COL4A3: variants seen among roughly 807,000 people sequenced by gnomAD.
COL4A3 encodes collagen alpha-3(IV) chain.
COL4A3 carries 135 observed loss-of-function variants against 217.4 expected under a neutral mutation model. That is an observed-to-expected ratio of 0.62 (90% CI 0.54 to 0.72). The LOEUF (loss-of-function observed/expected upper bound fraction) is 0.72. Among genes scored for constraint, COL4A3 ranks in the 30% least tolerant of loss-of-function variants. COL4A3 has a pLI of 0.00. For missense variants in COL4A3, 1,868 were observed against 2,119.9 expected (o/e 0.88, Z 2.33); for synonymous variants, 690 against 736.3 (o/e 0.94, Z 1.02).
At chr2:227,230,061 A>AG (rs1559847637) in intron 1 of COL4A3, among the ~76,000 whole-genome samples, 3 of 146,752 alleles carry the variant, frequency 2.0e-5, no homozygotes, top group Admixed American at 6.8e-5. Flanking sequence ...AAAAAAAAAA[A>AG]AAAAAGAAAT....
chr2:227,283,759 T>G lies in COL4A3; in HGVS notation c.2657-8T>G. 1.2e-6 allele frequency: 2 copies of G among 1,613,068 alleles called. No homozygotes were observed. Among genetic ancestry groups the G allele is most frequent in the Non-Finnish European group, 1.7e-6 (2 of 1,178,992 alleles). On this transcript the variant is annotated splice_polypyrimidine_tract_variant and splice_region_variant and intron_variant, in intron 32 of 51. Coordinates refer to ENST00000396578, the MANE Select transcript of COL4A3 (RefSeq NM_000091.5). The stretch of plus-strand genomic sequence containing the variant: ...CACGTGCTGCTTTGTGTTAATTTGT[T>G]TCCATAGGTGAAGATGGAGTGATTG...
chr2:227,262,648 G>T (rs1228912292), intron 20 of COL4A3, among the ~76,000 whole-genome samples: 3 of 152,068 alleles, frequency 2.0e-5, no homozygotes, highest in African/African-American at 7.2e-5. Context: ...TGTGTGTGTG[G>T]CTACCGCAAA....
At position 227,256,351 on chromosome 2, in the gene COL4A3, G is replaced by C. The variant is rs762999258; in HGVS notation, c.942G>C (p.Lys314Asn). 1.2e-6 allele frequency: 2 copies of C among 1,613,512 alleles called. No homozygotes were observed. Among genetic ancestry groups the C allele is most frequent in the Non-Finnish European group, 1.7e-6 (2 of 1,179,524 alleles). ...VPGFPGSEGVKGNRGFPGLMG... is the reference protein window; with the variant it reads ...VPGFPGSEGVNGNRGFPGLMG... ...TTTGTTCTTTTCTTTAGGGAGTCAA[G>C]GGCAACAGGGGTTTCCCTGGGTTAA... is the stretch of plus-strand genomic sequence containing the variant. The change falls in exon 17 of 52, where the codon AAG becomes AAC. Residue 314 changes from lysine (K) to asparagine (N), a missense_variant. Lys to Asn is a moderately conservative substitution (Grantham distance 94). Transcript: ENST00000396578.
intron 1 of COL4A3, among the ~76,000 whole-genome samples, chr2:227,180,080 G>T (rs1451183985): frequency 2.0e-5 from 3 of 152,206 alleles, no homozygotes; most frequent in Non-Finnish European, 4.4e-5. Flanking sequence ...GGGCGGTGCG[G>T]TGCTTTTACT....
Position 227,250,131 on chromosome 2 carries a change from G to A in COL4A3, c.547-1009G>A, listed in dbSNP as rs2069641983. On this transcript the variant is annotated intron_variant, in intron 9 of 51. Transcript: ENST00000396578. The surrounding 1 kb of genome is among the most constrained non-coding windows in gnomAD (Gnocchi z 4.1). ...AGTTTGAGACCAGCCTGGCCAACACGCTGAAACTCCATCTCTACTAAAGAC... is the reference window on the plus strand; with the variant it reads ...AGTTTGAGACCAGCCTGGCCAACACACTGAAACTCCATCTCTACTAAAGAC... Among the ~76,000 whole-genome samples the A allele has an allele frequency of 6.6e-6, 1 of 151,988 alleles. No homozygotes were observed. Among genetic ancestry groups the A allele is most frequent in the Admixed American group, 6.6e-5 (1 of 15,248 alleles).
rs2125924539 is a variant in COL4A3, at chr2:227,251,160, T to A, written c.567T>A (p.Gly189=). The change falls in exon 10 of 52, where the codon GGT becomes GGA. Residue 189 remains glycine (G), a synonymous_variant. Transcript: ENST00000396578. ...PGPQGLPGPP[G]FPGPVGPPGP... ...TCAAGGGTTTGCCAGGCCCTCCAGG[T>A]TTTCCTGGGCCTGTTGGCCCACCTG... 1.9e-6 allele frequency: 3 copies of A among 1,613,742 alleles called. No homozygotes were observed. Among genetic ancestry groups the A allele is most frequent in the South Asian group, 2.2e-5 (2 of 91,074 alleles).
At chr2:227,165,100 A>G (rs2065187541) in intron 1 of COL4A3, among the ~76,000 whole-genome samples, 1 of 152,128 alleles carries the variant, frequency 6.6e-6, no homozygotes, top group South Asian at 2.1e-4. Flanking sequence ...GAGGTCAGTA[A>G]ATTAAAAAAT....
At chr2:227,172,888 G>T (rs1249614672) in intron 1 of COL4A3, among the ~76,000 whole-genome samples, 1 of 151,906 alleles carries the variant, frequency 6.6e-6, no homozygotes, top group African/African-American at 2.4e-5. Context: ...TGCCTGGCCC[G>T]GTTTCTTCTG....
chr2:227,180,078 C>T (rs1369038450), intron 1 of COL4A3, among the ~76,000 whole-genome samples: 1 of 152,160 alleles, frequency 6.6e-6, no homozygotes, highest in Admixed American at 6.5e-5. Context: ...CTGGGCGGTG[C>T]GGTGCTTTTA....
intron 20 of COL4A3, among the ~76,000 whole-genome samples, 191 bp downstream of exon 20, chr2:227,261,308 T>C (rs1286039484): frequency 6.6e-6 from 1 of 152,228 alleles, no homozygotes; most frequent in Non-Finnish European, 1.5e-5. Context: ...GTGGATCACC[T>C]GAGGTCAGGA....
chr2:227,205,454 T>C (rs1275903627), intron 1 of COL4A3, among the ~76,000 whole-genome samples: 1 of 152,160 alleles, frequency 6.6e-6, no homozygotes, highest in Non-Finnish European at 1.5e-5. Flanking sequence ...TTCAATGCAT[T>C]GAGACATACA....
intron 1 of COL4A3, among the ~76,000 whole-genome samples, chr2:227,194,255 G>A (rs1165397843): frequency 6.6e-6 from 1 of 152,194 alleles, no homozygotes; most frequent in Admixed American, 6.5e-5. Context: ...TGTTTACAAA[G>A]GTGAGGTTCA....
At chr2:227,289,328 T>A in intron 35 of COL4A3, 80 bp downstream of exon 35, 1 of 1,178,414 alleles carries the variant, frequency 8.5e-7, no homozygotes. Flanking sequence ...TTTCTAGGCT[T>A]ACTGGGTTTA....
intron 1 of COL4A3, among the ~76,000 whole-genome samples, chr2:227,205,429 A>G (rs2067064189): frequency 6.6e-6 from 1 of 152,174 alleles, no homozygotes; most frequent in South Asian, 2.1e-4. Flanking sequence ...TGTTTATAAC[A>G]TAGGAGAATT....
At chr2:227,305,254 T>C (rs773938829) in intron 47 of COL4A3, among the ~76,000 whole-genome samples, 171 bp downstream of exon 47, 10 of 152,234 alleles carry the variant, frequency 6.6e-5, no homozygotes, top group Non-Finnish European at 1.2e-4. Flanking sequence ...TCAAGAATTA[T>C]TGGAACACAG....
In COL4A3 at chr2:227,312,112, A is replaced by G; in HGVS notation, c.*242A>G. On this transcript the variant is annotated 3_prime_UTR_variant, in exon 52 of 52. Coordinates refer to ENST00000396578, the MANE Select transcript of COL4A3 (RefSeq NM_000091.5). Reference sequence around the variant, plus strand: ...GCAAAGCAGCAACTATTCACAAAATATCACCAAAAACCTATTCCACTTACA... The same window carrying G: ...GCAAAGCAGCAACTATTCACAAAATGTCACCAAAAACCTATTCCACTTACA... 1 of 562,446 alleles carries G rather than the reference A, an allele frequency of 1.8e-6. No homozygotes were observed. Among genetic ancestry groups the G allele is most frequent in the Non-Finnish European group, 3.1e-6 (1 of 326,396 alleles). The allele number at this position is 562,446 out of a possible 1,614,324, so 34.8% of individuals were successfully genotyped here. A position where few individuals can be genotyped will look rare whatever the true frequency, so the allele number is the denominator to read the frequency against.
In COL4A3 at chr2:227,280,456, C is replaced by T; in HGVS notation, c.2240C>T (p.Ala747Val). 1 of 1,614,086 alleles carries T rather than the reference C, an allele frequency of 6.2e-7. No homozygotes were observed. The highest frequency in any genetic ancestry group is 1.1e-5 in the South Asian group (1 of 91,086). ...ATGCTGTAGGGAGAACCAGCAGTAG[C>T]CATGCCTGGAGGACCAGGAACACCA... is the stretch of plus-strand genomic sequence containing the variant. ...LPGAKGEPAV[A>V]MPGGPGTPGF... Residue 747 changes from alanine (A) to valine (V), a missense_variant, in exon 30 of 52, where the codon GCC (alanine) becomes GTC (valine). Ala to Val is a moderately conservative substitution (Grantham distance 64). Coordinates refer to ENST00000396578, the MANE Select transcript of COL4A3 (RefSeq NM_000091.5).
rs60244094 is a variant in COL4A3 at position 227,208,765 on chromosome 2, T to TACACACACAC, written c.88-29171_88-29162dup. 6.5e-3 allele frequency among the ~76,000 whole-genome samples: 901 copies of TACACACACAC among 138,544 alleles called. 8 individuals carry two copies. The highest frequency in any genetic ancestry group is 0.021 in the African/African-American group (794 of 37,112). 90.9% of individuals were successfully genotyped at this position (138,544 alleles called of 152,430 possible). Reference sequence around the variant, plus strand: ...AAGGTGAACCCATTAGGCGGTTGGTTACACACACACACACACACACACACA... The same window carrying TACACACACAC: ...AAGGTGAACCCATTAGGCGGTTGGTTACACACACACACACACACACACACACACACACACA... On this transcript the variant is annotated intron_variant, in intron 1 of 51. Transcript: ENST00000396578.
intron 28 of COL4A3, 190 bp from the exon 29 acceptor site, chr2:227,279,603 A>AT (rs1273920416): frequency 7.0e-6 from 4 of 572,176 alleles, no homozygotes; most frequent in African/African-American, 1.9e-5. Context: ...AGAGAAAGTT[A>AT]TTTTTTCAAA....
Sources: allele counts gnomAD v4.1 joint callset (sites outside exome capture counted in the v4.1 genomes callset), GRCh38; gene constraint gnomAD v4.1.1; non-coding constraint Gnocchi (gnomAD v3.1); transcripts MANE v1.5; gene names NCBI Gene and HGNC (gene_info 2026-07-23, HGNC 2026-07-21).